Variants in SLC8A3 observed in about 807,000 individuals in gnomAD.
SLC8A3 encodes solute carrier family 8 member A3, also known as sodium/calcium exchanger 3.
Under a neutral mutation model 65.4 loss-of-function variants are expected in SLC8A3, and 37 were observed. That is an observed-to-expected ratio of 0.57 (90% CI 0.44 to 0.74). The LOEUF (loss-of-function observed/expected upper bound fraction) is 0.74. Ranked by LOEUF, SLC8A3 falls within the 30% of genes least tolerant of loss-of-function variation. The pLI is 0.00. For missense variants in SLC8A3, 1,112 were observed against 1,172.1 expected (o/e 0.95, Z 0.75); for synonymous variants, 461 against 444.5 (o/e 1.04, Z -0.47).
chr14:70,090,600 A>G (rs1449587888), intron 2 of SLC8A3, among the ~76,000 whole-genome samples: 2 of 152,228 alleles, frequency 1.3e-5, no homozygotes, highest in Non-Finnish European at 2.9e-5. Flanking sequence ...CTGCCACAGG[A>G]AGAACCTTCA....
chr14:70,159,689 C>T (rs1392963034), intron 2 of SLC8A3, among the ~76,000 whole-genome samples: 1 of 152,228 alleles, frequency 6.6e-6, no homozygotes, highest in African/African-American at 2.4e-5. Context: ...CCTTAAGACC[C>T]AGAAGAGTCC....
At chr14:70,057,666 C>T (rs1054839092) in intron 3 of SLC8A3, among the ~76,000 whole-genome samples, 1 of 152,180 alleles carries the variant, frequency 6.6e-6, no homozygotes, top group Admixed American at 6.5e-5. Context: ...CACAATACCT[C>T]GAGGGTGTTT....
At position 70,061,986 on chromosome 14, in the gene SLC8A3, G is replaced by T. The variant is rs546410110; in HGVS notation, c.1785-1047C>A. Reference sequence around the variant, plus strand: ...CTCTTTGTCATGTGGAGAGGTTGCCGTGTGGGCCTGATTCTTCCTATATGG... The same window carrying T: ...CTCTTTGTCATGTGGAGAGGTTGCCTTGTGGGCCTGATTCTTCCTATATGG... On this transcript the variant is annotated intron_variant, in intron 2 of 6. Coordinates refer to ENST00000356921, the MANE Select transcript of SLC8A3 (RefSeq NM_182932.3). 4.4e-3 allele frequency among the ~76,000 whole-genome samples: 670 copies of T among 152,202 alleles called. 6 individuals are homozygous for T. The highest frequency in any genetic ancestry group is 0.016 in the African/African-American group (659 of 41,510).
chr14:70,184,129 G>A (rs1259696209), intron 1 of SLC8A3, among the ~76,000 whole-genome samples: 3 of 152,080 alleles, frequency 2.0e-5, no homozygotes, highest in African/African-American at 2.4e-5. Flanking sequence ...CCAAATAGTC[G>A]CTACCCATGA....
chr14:70,157,711 T>C (rs1373737035), intron 2 of SLC8A3, among the ~76,000 whole-genome samples: 1 of 152,218 alleles, frequency 6.6e-6, no homozygotes, highest in Non-Finnish European at 1.5e-5. Flanking sequence ...CAGTCCCCAA[T>C]GGCTTTCTGA....
chr14:70,126,547 TTCTCTCTC>T (rs36183214), intron 2 of SLC8A3, among the ~76,000 whole-genome samples: 7,718 of 118,084 alleles, frequency 0.065, 281 homozygotes, highest in Middle Eastern at 0.13. Context: ...AGAAAGAAAA[TTCTCTCTC>T]TCTCTCTCTC....
chr14:70,147,910 G>T (rs1594759798), intron 2 of SLC8A3, among the ~76,000 whole-genome samples: 1 of 152,200 alleles, frequency 6.6e-6, no homozygotes, highest in Non-Finnish European at 1.5e-5. Context: ...CAGAATCAGG[G>T]TTCAAACACA....
intron 2 of SLC8A3, among the ~76,000 whole-genome samples, chr14:70,153,589 C>T (rs1198158289): frequency 2.0e-5 from 3 of 152,172 alleles, no homozygotes; most frequent in Admixed American, 2.0e-4. Context: ...CTTGTCTTCC[C>T]TATCAACTGT....
At chr14:70,088,527 C>A (rs1278987728) in intron 2 of SLC8A3, among the ~76,000 whole-genome samples, 1 of 152,168 alleles carries the variant, frequency 6.6e-6, no homozygotes, top group African/African-American at 2.4e-5. Context: ...GAAGACCTGG[C>A]TCATAGGTTT....
intron 2 of SLC8A3, among the ~76,000 whole-genome samples, chr14:70,141,077 A>AG (rs1895541221): frequency 6.6e-6 from 1 of 152,258 alleles, no homozygotes; most frequent in Admixed American, 6.5e-5. Context: ...CCGATGCGAT[A>AG]ATAACAATAA....
chr14:70,112,218 G>A (rs1893356826), intron 2 of SLC8A3, among the ~76,000 whole-genome samples: 2 of 152,196 alleles, frequency 1.3e-5, no homozygotes, highest in African/African-American at 2.4e-5. Context: ...AGAAGGTCAG[G>A]ATCTAGAGCA....
intron 2 of SLC8A3, among the ~76,000 whole-genome samples, chr14:70,077,759 C>T (rs1258153190): frequency 6.6e-6 from 1 of 152,186 alleles, no homozygotes; most frequent in Non-Finnish European, 1.5e-5. Context: ...TCTCAAGTTC[C>T]TTTTGCACTC....
chr14:70,071,419 G>A (rs1436223874), intron 2 of SLC8A3, among the ~76,000 whole-genome samples: 3 of 152,188 alleles, frequency 2.0e-5, no homozygotes, highest in Admixed American at 6.5e-5. Flanking sequence ...AGAAAGATAC[G>A]AGCCACAAGA....
At chr14:70,187,299 G>A (rs2140467536) in intron 1 of SLC8A3, 1 of 155,774 alleles carries the variant, frequency 6.4e-6, no homozygotes, top group East Asian at 1.7e-4. Flanking sequence ...GAGAGGAAAG[G>A]AGGAGAGAAG....
At chr14:70,135,901 T>C (rs1414331206) in intron 2 of SLC8A3, among the ~76,000 whole-genome samples, 1 of 152,200 alleles carries the variant, frequency 6.6e-6, no homozygotes, top group Non-Finnish European at 1.5e-5. Flanking sequence ...AGAAGAATTA[T>C]AATGTCCCCA....
Position 70,061,948 on chromosome 14 carries a change from C to T in SLC8A3, c.1785-1009G>A, listed in dbSNP as rs369407080. On this transcript the variant is annotated intron_variant, in intron 2 of 6. Coordinates refer to ENST00000356921, the MANE Select transcript of SLC8A3 (RefSeq NM_182932.3). ...AAAACTTTCCTTGAAATTCACTGCC[C>T]TCCAAAGACTGGCTCTTTGTCATGT... is the stretch of plus-strand genomic sequence containing the variant. Among the ~76,000 whole-genome samples the T allele has an allele frequency of 2.6e-5, 4 of 152,080 alleles. No homozygotes were observed. In the East Asian group the frequency reaches 5.8e-4, roughly 22 times the overall value.
intron 2 of SLC8A3, among the ~76,000 whole-genome samples, chr14:70,089,335 A>G (rs1891659017): frequency 1.3e-5 from 2 of 152,210 alleles, no homozygotes; most frequent in Admixed American, 1.3e-4. Context: ...TTACTTGTTT[A>G]TAAGACCACC....
rs1037640648 is a variant in SLC8A3 at position 70,062,096 on chromosome 14, C to A, written c.1785-1157G>T. On this transcript the variant is annotated intron_variant, in intron 2 of 6. Coordinates refer to ENST00000356921, the MANE Select transcript of SLC8A3 (RefSeq NM_182932.3). ...AATTGTAATTTTCTGCTTTCTTTTT[C>A]TTTTTCTTTTTGGCGGGGGGCGGGG... 3.2e-4 allele frequency among the ~76,000 whole-genome samples: 20 copies of A among 62,930 alleles called. 1 individual carries two copies. The East Asian group carries it at 9.1e-3, about 29-fold the overall frequency. 41.3% of individuals were successfully genotyped at this position (62,930 alleles called of 152,430 possible).
chr14:70,058,128 C>G (rs1463205125), intron 3 of SLC8A3, among the ~76,000 whole-genome samples: 1 of 152,128 alleles, frequency 6.6e-6, no homozygotes, highest in Non-Finnish European at 1.5e-5. Flanking sequence ...AAAATAGAGT[C>G]TCCTATTTCA....
Sources: allele counts gnomAD v4.1 joint callset (sites outside exome capture counted in the v4.1 genomes callset), GRCh38; gene constraint gnomAD v4.1.1; transcripts MANE v1.5; gene names NCBI Gene and HGNC (gene_info 2026-07-23, HGNC 2026-07-21).